CAMTA1: variants seen among roughly 807,000 people sequenced by gnomAD.
CAMTA1 encodes the protein calmodulin-binding transcription activator 1.
Under a neutral mutation model 170.9 loss-of-function variants are expected in CAMTA1, and 27 were observed. The ratio of observed to expected loss-of-function variants is 0.16; its 90% confidence interval spans 0.12 to 0.22. CAMTA1 has a LOEUF of 0.22. Ranked by LOEUF, CAMTA1 falls within the 10% of genes least tolerant of loss-of-function variation. CAMTA1 has a pLI of 1.00. For missense variants in CAMTA1, 1,619 were observed against 2,217.2 expected (o/e 0.73, Z 5.42); for synonymous variants, 833 against 891.5 (o/e 0.93, Z 1.17).
intron 5 of CAMTA1, among the ~76,000 whole-genome samples, chr1:7,438,774 G>A (rs546763820): frequency 1.8e-4 from 27 of 152,342 alleles, no homozygotes; most frequent in African/African-American, 6.5e-4. Flanking sequence ...AGCAGAAAGA[G>A]CATGGCCTGT....
chr1:7,058,530 C>T (rs1707718588), intron 3 of CAMTA1, among the ~76,000 whole-genome samples: 1 of 151,960 alleles, frequency 6.6e-6, no homozygotes, highest in Non-Finnish European at 1.5e-5. Flanking sequence ...AGAGTGATGC[C>T]CAGTAGATGT....
chr1:7,073,159 A>G (rs1251083357), intron 3 of CAMTA1, among the ~76,000 whole-genome samples: 1 of 152,182 alleles, frequency 6.6e-6, no homozygotes, highest in African/African-American at 2.4e-5. Context: ...TTCCAAAGGA[A>G]AGGGGACAAG....
intron 5 of CAMTA1, among the ~76,000 whole-genome samples, chr1:7,342,983 G>A (rs2083947012): frequency 6.6e-6 from 1 of 152,196 alleles, no homozygotes; most frequent in African/African-American, 2.4e-5. Flanking sequence ...GTGGGCACCA[G>A]TCCTACAGAG....
chr1:7,483,280 C>T (rs2093566843), intron 6 of CAMTA1, among the ~76,000 whole-genome samples: 1 of 152,170 alleles, frequency 6.6e-6, no homozygotes, highest in Non-Finnish European at 1.5e-5. Flanking sequence ...CTGCTTCAGC[C>T]ACGAGAAGTT....
At chr1:7,130,734 T>C (rs948353845) in intron 4 of CAMTA1, among the ~76,000 whole-genome samples, 1 of 152,224 alleles carries the variant, frequency 6.6e-6, no homozygotes, top group Non-Finnish European at 1.5e-5. Flanking sequence ...TCTTCCCATA[T>C]ATCTGTTCTC....
At chr1:6,975,164 C>T (rs1693192578) in intron 3 of CAMTA1, among the ~76,000 whole-genome samples, 1 of 152,180 alleles carries the variant, frequency 6.6e-6, no homozygotes, top group East Asian at 1.9e-4. Flanking sequence ...GAGCTGGAAG[C>T]CGAGCATTCC....
chr1:7,374,239 C>A (rs1274261922), intron 5 of CAMTA1, among the ~76,000 whole-genome samples: 1 of 152,248 alleles, frequency 6.6e-6, no homozygotes, highest in Non-Finnish European at 1.5e-5. Context: ...AGCCCTTATT[C>A]AATACCACAA....
chr1:6,975,436 G>C (rs573344479), intron 3 of CAMTA1, among the ~76,000 whole-genome samples: 1 of 152,104 alleles, frequency 6.6e-6, no homozygotes, highest in Non-Finnish European at 1.5e-5. Context: ...TCCTCTGTGC[G>C]CTGTTTGCTG....
intron 6 of CAMTA1, among the ~76,000 whole-genome samples, chr1:7,549,991 A>G (rs549203449): frequency 1.2e-4 from 18 of 152,162 alleles, no homozygotes; most frequent in Admixed American, 4.6e-4. Context: ...AGGAGTCTCA[A>G]AGGAATCTGA....
At chr1:7,118,014 C>T (rs916331915) in intron 4 of CAMTA1, among the ~76,000 whole-genome samples, 8 of 152,110 alleles carry the variant, frequency 5.3e-5, no homozygotes, top group Non-Finnish European at 8.8e-5. Flanking sequence ...CATTTTCAGC[C>T]GAGGTGTTGG....
In CAMTA1 at chr1:7,300,089, G is replaced by A. The variant is rs77095910; in HGVS notation, c.438+50463G>A. Among the ~76,000 whole-genome samples, 2,829 of 152,222 alleles carry A rather than the reference G, an allele frequency of 0.019. 41 individuals carry two copies. Among genetic ancestry groups the A allele is most frequent in the East Asian group, 0.045 (234 of 5,170 alleles). ...TTTATTTTAGAATCAAGCAGCTTCT[G>A]TATAATTTGAATTTGAGATAGCATT... On this transcript the variant is annotated intron_variant, in intron 5 of 22. Coordinates refer to ENST00000303635, the MANE Select transcript of CAMTA1 (RefSeq NM_015215.4). This position sits in a 1 kb window ranked among gnomAD's most constrained non-coding sequence, Gnocchi z 4.1.
chr1:7,639,980 A>C (rs543414644), intron 6 of CAMTA1, among the ~76,000 whole-genome samples: 1 of 152,116 alleles, frequency 6.6e-6, no homozygotes, highest in South Asian at 2.1e-4. Flanking sequence ...AAGGAGGGAG[A>C]GGGCAGTGGC....
intron 11 of CAMTA1, among the ~76,000 whole-genome samples, chr1:7,710,028 T>A (rs553090388): frequency 1.3e-5 from 2 of 152,372 alleles, no homozygotes; most frequent in East Asian, 3.9e-4. Flanking sequence ...CTGTGATTCT[T>A]TTCTGTGGTA....
chr1:7,235,375 A>C (rs1177474766), intron 4 of CAMTA1, among the ~76,000 whole-genome samples: 1 of 152,194 alleles, frequency 6.6e-6, no homozygotes. Context: ...CCTGTAATCC[A>C]GCACTTTGAG....
At chr1:7,132,048 TAC>T (rs70984054) in intron 4 of CAMTA1, among the ~76,000 whole-genome samples, 85,318 of 149,524 alleles carry the variant, frequency 0.57, 24,239 homozygotes, top group South Asian at 0.65. Context: ...GTGACTCTGT[TAC>T]ACACACACAC....
At chr1:7,259,680 AG>A in intron 5 of CAMTA1, among the ~76,000 whole-genome samples, 1 of 152,384 alleles carries the variant, frequency 6.6e-6, no homozygotes, top group Non-Finnish European at 1.5e-5. Context: ...CTTGACTTCA[AG>A]CACCTTTAGA....
intron 3 of CAMTA1, among the ~76,000 whole-genome samples, chr1:6,891,600 TTTGCCA>T (rs1342373862): frequency 6.6e-6 from 1 of 152,190 alleles, no homozygotes. Context: ...ACTAGGCGTT[TTTGCCA>T]TCTCATAGCT....
chr1:7,470,631 T>C (rs1489489737), intron 6 of CAMTA1, among the ~76,000 whole-genome samples: 1 of 152,110 alleles, frequency 6.6e-6, no homozygotes, highest in African/African-American at 2.4e-5. Context: ...CTCAGCCCCC[T>C]GCAGGGGGTG....
rs138035473 is a variant in CAMTA1, at chr1:6,998,703, A to T, written c.235-92601A>T. Among the ~76,000 whole-genome samples, 14 of 152,334 alleles carry T rather than the reference A, an allele frequency of 9.2e-5. No individual in the cohort carries two copies. The East Asian group carries it at 2.7e-3, about 29-fold the overall frequency. On this transcript the variant is annotated intron_variant, in intron 3 of 22. Coordinates refer to ENST00000303635, the MANE Select transcript of CAMTA1 (RefSeq NM_015215.4). The stretch of plus-strand genomic sequence containing the variant: ...TTTTGTCCTGTAACATATCCCTGGC[A>T]TCTTGCTGTGGCGTCTGACATGCGG...
Sources: allele counts gnomAD v4.1 joint callset (sites outside exome capture counted in the v4.1 genomes callset), GRCh38; gene constraint gnomAD v4.1.1; non-coding constraint Gnocchi (gnomAD v3.1); transcripts MANE v1.5; gene names NCBI Gene and HGNC (gene_info 2026-07-23, HGNC 2026-07-21).